KLF8: variants seen among roughly 807,000 people sequenced by gnomAD.
The protein encoded by KLF8 is Krueppel-like factor 8.
Under a neutral mutation model 18.2 loss-of-function variants are expected in KLF8, and 10 were observed. That is an observed-to-expected ratio of 0.55 (90% CI 0.34 to 0.93). The LOEUF is 0.93. Among genes scored for constraint, KLF8 ranks in the 40% least tolerant of loss-of-function variants. KLF8 has a pLI of 0.02. For missense variants in KLF8, 264 were observed against 277.9 expected (o/e 0.95, Z 0.36); for synonymous variants, 109 against 97.3 (o/e 1.12, Z -0.71).
At chrX:55,968,524 A>T in the KLF8 span, among the ~76,000 whole-genome samples, 1 of 111,807 alleles carries the variant, frequency 8.9e-6, no homozygotes, top group Non-Finnish European at 1.9e-5. Context: ...CTGTGTCCCC[A>T]CTCAAATCTC....
the KLF8 span, among the ~76,000 whole-genome samples, chrX:55,969,419 T>C: frequency 9.0e-6 from 1 of 111,586 alleles, no homozygotes; most frequent in East Asian, 2.8e-4. Flanking sequence ...AATGGAATCA[T>C]GACATATCTA....
At chrX:56,020,554 G>A in the KLF8 span, among the ~76,000 whole-genome samples, 1 of 111,615 alleles carries the variant, frequency 9.0e-6, no homozygotes, top group Admixed American at 9.5e-5. Flanking sequence ...GTGATTCACA[G>A]GATTCTGATT....
the KLF8 span, among the ~76,000 whole-genome samples, chrX:56,011,469 G>T: frequency 9.0e-6 from 1 of 111,611 alleles, no homozygotes; most frequent in South Asian, 3.7e-4. Flanking sequence ...CAATGTTGAG[G>T]GAAATTTATA....
the KLF8 span, among the ~76,000 whole-genome samples, chrX:56,093,943 GTGTGTGT>G: frequency 1.9e-5 from 2 of 105,080 alleles, no homozygotes; most frequent in African/African-American, 7.4e-5. Context: ...GTGTGTGTGT[GTGTGTGT>G]ATGAGAGAGA....
chrX:56,198,334 T>C, the KLF8 span, among the ~76,000 whole-genome samples: 1 of 111,707 alleles, frequency 9.0e-6, no homozygotes, highest in East Asian at 2.8e-4. Context: ...TATATTTAAA[T>C]AACCCCATCG....
the KLF8 span, among the ~76,000 whole-genome samples, chrX:56,123,796 G>A: frequency 4.4e-3 from 491 of 111,874 alleles, 1 homozygote; most frequent in African/African-American, 0.015. Flanking sequence ...GTAGAAAATA[G>A]TCTTTGGTCA....
chrX:56,269,832 G>A lies in KLF8; in HGVS notation c.758+343G>A, dbSNP rs151128605. 8.3e-3 allele frequency among the ~76,000 whole-genome samples: 932 copies of A among 111,920 alleles called. 6 individuals carry two copies. The highest frequency in any genetic ancestry group is 0.023 in the Middle Eastern group (5 of 215). ...ATATTGAAACTAATTGGAAGTAGTT[G>A]GCTTGTGTTTAGCAACAACTGTTGT... On this transcript the variant is annotated intron_variant, in intron 4 of 5. Transcript: ENST00000468660.
intron 2 of KLF8, among the ~76,000 whole-genome samples, chrX:56,254,789 G>A (rs1376040170): frequency 1.8e-5 from 2 of 111,559 alleles, no homozygotes; most frequent in East Asian, 2.8e-4. Flanking sequence ...AATCTCCAAC[G>A]TTTAGCTGCT....
chrX:55,944,488 G>A, the KLF8 span, among the ~76,000 whole-genome samples: 1 of 110,706 alleles, frequency 9.0e-6, no homozygotes, highest in Non-Finnish European at 1.9e-5. Flanking sequence ...GTAAGCTATT[G>A]ATTATTGCCA....
the KLF8 span, among the ~76,000 whole-genome samples, chrX:56,208,427 A>G: frequency 9.0e-6 from 1 of 111,303 alleles, no homozygotes. Context: ...TAAAAAGCTA[A>G]CTTTTTGTTT....
chrX:56,043,251 T>C, the KLF8 span, among the ~76,000 whole-genome samples: 15 of 110,647 alleles, frequency 1.4e-4, no homozygotes, highest in Admixed American at 2.9e-4. Flanking sequence ...AAAATTTTTT[T>C]TTTTCATTAT....
the KLF8 span, among the ~76,000 whole-genome samples, chrX:56,138,600 T>G: frequency 2.7e-5 from 3 of 111,089 alleles, no homozygotes; most frequent in Non-Finnish European, 5.7e-5. Flanking sequence ...AAAAAAGGCT[T>G]TCAATAAAAT....
chrX:56,180,619 G>C, the KLF8 span, among the ~76,000 whole-genome samples: 1 of 109,634 alleles, frequency 9.1e-6, no homozygotes, highest in Non-Finnish European at 1.9e-5. Flanking sequence ...ATTTACCTCT[G>C]TGCACTGCTT....
chrX:55,908,179 C>T, the KLF8 span: 2 of 190,282 alleles, frequency 1.1e-5, no homozygotes, highest in Non-Finnish European at 1.9e-5. Flanking sequence ...GCGGGGCCTG[C>T]CCCCTGCCGG....
the KLF8 span, among the ~76,000 whole-genome samples, chrX:56,121,944 C>A: frequency 8.9e-6 from 1 of 111,803 alleles, no homozygotes; most frequent in African/African-American, 3.2e-5. Flanking sequence ...GTATCTACAT[C>A]TGCAAAAATT....
chrX:56,195,186 T>A, the KLF8 span, among the ~76,000 whole-genome samples: 1 of 112,245 alleles, frequency 8.9e-6, no homozygotes, highest in Non-Finnish European at 1.9e-5. Flanking sequence ...CTCCAAAGGA[T>A]CACAGCTCCT....
intron 1 of KLF8, among the ~76,000 whole-genome samples, chrX:56,245,300 G>T (rs1056707602): frequency 9.0e-6 from 1 of 111,449 alleles, no homozygotes; most frequent in African/African-American, 3.3e-5. Flanking sequence ...TCCCTTTCAG[G>T]GTTGGCCAAA....
the KLF8 span, among the ~76,000 whole-genome samples, chrX:55,941,990 C>A: frequency 1.8e-5 from 2 of 111,237 alleles, no homozygotes; most frequent in African/African-American, 6.6e-5. Context: ...CTAGAAATAC[C>A]ATTTGACCCA....
At chrX:56,089,663 T>A in the KLF8 span, among the ~76,000 whole-genome samples, 1 of 112,247 alleles carries the variant, frequency 8.9e-6, no homozygotes, top group Admixed American at 9.4e-5. Flanking sequence ...GAACCACAGT[T>A]TACTAGAGTG....
Sources: gnomAD v4.1 joint callset for allele counts (sites outside exome capture counted in the v4.1 genomes callset) on GRCh38, gnomAD v4.1.1 for gene constraint, MANE v1.5 for transcripts, NCBI Gene and HGNC (gene_info 2026-07-23, HGNC 2026-07-21) for gene names.